Variants in DAAM1 observed in about 807,000 individuals in gnomAD.
The protein encoded by DAAM1 is dishevelled associated activator of morphogenesis 1, also known as disheveled-associated activator of morphogenesis 1.
A neutral mutation model predicts 130.0 loss-of-function variants in DAAM1; 52 were observed. That is an observed-to-expected ratio of 0.40 (90% CI 0.32 to 0.50). The LOEUF is 0.50. Among genes scored for constraint, DAAM1 ranks in the 20% least tolerant of loss-of-function variants. The pLI, the probability that DAAM1 is intolerant of heterozygous loss-of-function variation, is 0.61. For synonymous variants in DAAM1, 452 were observed against 444.5 expected, an observed-to-expected ratio of 1.02 and a Z score of -0.21; for missense variants, 1,134 against 1,303.8, an observed-to-expected ratio of 0.87 and a Z score of 2.01.
rs112114696 is a variant in DAAM1, at chr14:59,287,628, CAATAA to C, written c.184-3588_184-3584del. On this transcript the variant is annotated intron_variant, in intron 2 of 24. Transcript: ENST00000360909. ...AAAAATCAGTAGCATTTTTATACACCAATAACATTCAAGTTCAGACCTACATAAAG... is the reference window on the plus strand; with the variant it reads ...AAAAATCAGTAGCATTTTTATACACCCATTCAAGTTCAGACCTACATAAAG... Among the ~76,000 whole-genome samples the C allele has an allele frequency of 2.0e-5, 3 of 152,136 alleles. 1 individual carries two copies. The highest frequency in any genetic ancestry group is 7.2e-5 in the African/African-American group (3 of 41,516).
intron 1 of DAAM1, among the ~76,000 whole-genome samples, chr14:59,205,565 A>ATT (rs1888232365): frequency 2.6e-5 from 4 of 152,220 alleles, no homozygotes; most frequent in Admixed American, 2.6e-4. Context: ...AGATTTAAAA[A>ATT]TTGAGGTCAT....
intron 1 of DAAM1, among the ~76,000 whole-genome samples, chr14:59,240,841 T>A (rs575455877): frequency 2.0e-5 from 3 of 152,222 alleles, no homozygotes; most frequent in Non-Finnish European, 4.4e-5. Context: ...TGTGTCCATC[T>A]CTGGATGGAG....
chr14:59,244,690 A>C (rs1174101061), intron 1 of DAAM1, among the ~76,000 whole-genome samples: 2 of 152,138 alleles, frequency 1.3e-5, no homozygotes, highest in East Asian at 3.8e-4. Context: ...TTTTGAGGAA[A>C]AACCAGTTTG....
chr14:59,247,558 TG>T (rs1227634290), intron 1 of DAAM1, among the ~76,000 whole-genome samples: 4 of 152,184 alleles, frequency 2.6e-5, no homozygotes, highest in African/African-American at 7.2e-5. Context: ...CTTTCAGAAA[TG>T]TTTTTTAGTT....
At chr14:59,227,088 T>G (rs1218138090) in intron 1 of DAAM1, among the ~76,000 whole-genome samples, 1 of 152,218 alleles carries the variant, frequency 6.6e-6, no homozygotes, top group Non-Finnish European at 1.5e-5. Flanking sequence ...ATTAAAATAT[T>G]GAGTTGCCCA....
chr14:59,327,331 T>C (rs146250067), intron 12 of DAAM1, among the ~76,000 whole-genome samples: 1 of 151,758 alleles, frequency 6.6e-6, no homozygotes, highest in Non-Finnish European at 1.5e-5. Context: ...CATACTGGGT[T>C]TTAAGAAATG....
At chr14:59,358,558 G>T (rs10142139) in intron 20 of DAAM1, among the ~76,000 whole-genome samples, 1 of 151,984 alleles carries the variant, frequency 6.6e-6, no homozygotes, top group African/African-American at 2.4e-5. Flanking sequence ...AAAACTATCA[G>T]TAGGCCAGAC....
At chr14:59,211,964 C>T (rs1888437903) in intron 1 of DAAM1, among the ~76,000 whole-genome samples, 1 of 152,110 alleles carries the variant, frequency 6.6e-6, no homozygotes, top group African/African-American at 2.4e-5. Flanking sequence ...ATAAAACACT[C>T]CTTTTATTTT....
chr14:59,278,211 CAT>C (rs984937664), intron 2 of DAAM1, among the ~76,000 whole-genome samples: 1 of 152,098 alleles, frequency 6.6e-6, no homozygotes, highest in African/African-American at 2.4e-5. Context: ...AGGTGAATGA[CAT>C]AGGCATCACG....
At chr14:59,296,153 T>G (rs749754064) in intron 3 of DAAM1, among the ~76,000 whole-genome samples, 4 of 152,216 alleles carry the variant, frequency 2.6e-5, no homozygotes, top group Non-Finnish European at 4.4e-5. Context: ...CTGCCTTTCC[T>G]CCCTACCTCT....
At chr14:59,357,809 T>C (rs1002362658) in intron 20 of DAAM1, among the ~76,000 whole-genome samples, 7 of 151,900 alleles carry the variant, frequency 4.6e-5, no homozygotes, top group East Asian at 1.9e-4. Flanking sequence ...AATGGAAGGA[T>C]GCAGCTGAAC....
intron 2 of DAAM1, chr14:59,263,885 G>T: frequency 1.7e-6 from 1 of 582,606 alleles, no homozygotes; most frequent in Non-Finnish European, 3.0e-6. Flanking sequence ...TGTGCTTTAA[G>T]TGGGTGGAGG....
intron 1 of DAAM1, among the ~76,000 whole-genome samples, chr14:59,220,522 C>T (rs537052963): frequency 2.4e-4 from 37 of 152,236 alleles, no homozygotes; most frequent in African/African-American, 8.4e-4. Flanking sequence ...CTTTATTAGT[C>T]TTTGTTTTCT....
At chr14:59,298,841 T>C (rs575265136) in intron 3 of DAAM1, among the ~76,000 whole-genome samples, 1 of 152,364 alleles carries the variant, frequency 6.6e-6, no homozygotes, top group East Asian at 1.9e-4. Context: ...ATTCCAGCTG[T>C]GTCCCTACAA....
chr14:59,239,114 G>A (rs1036598383), intron 1 of DAAM1, among the ~76,000 whole-genome samples: 1 of 152,136 alleles, frequency 6.6e-6, no homozygotes, highest in African/African-American at 2.4e-5. Context: ...TTTTCTCTCA[G>A]GGTTGTTGGG....
chr14:59,310,652 T>C (rs1884551956), intron 3 of DAAM1, among the ~76,000 whole-genome samples: 1 of 152,250 alleles, frequency 6.6e-6, no homozygotes. Flanking sequence ...TCTTCTGCTG[T>C]TGACATTTGT....
chr14:59,313,613 G>A (rs1430769371), intron 3 of DAAM1, among the ~76,000 whole-genome samples: 1 of 152,154 alleles, frequency 6.6e-6, no homozygotes. Context: ...TTGGGGGAAT[G>A]GAGAGATCTG....
intron 3 of DAAM1, among the ~76,000 whole-genome samples, chr14:59,313,773 T>C (rs1265619585): frequency 6.6e-6 from 1 of 152,244 alleles, no homozygotes; most frequent in African/African-American, 2.4e-5. Context: ...ACTATAGCTA[T>C]TTTATTAACA....
intron 1 of DAAM1, among the ~76,000 whole-genome samples, chr14:59,207,957 G>T (rs1224988855): frequency 6.6e-6 from 1 of 151,828 alleles, no homozygotes; most frequent in East Asian, 1.9e-4. Context: ...CTTATTTTTT[G>T]GTTATAATAT....
Sources: allele counts gnomAD v4.1 joint callset (sites outside exome capture counted in the v4.1 genomes callset), GRCh38; gene constraint gnomAD v4.1.1; transcripts MANE v1.5; gene names NCBI Gene and HGNC (gene_info 2026-07-23, HGNC 2026-07-21).